The following SIPA1L2 variants were observed in gnomAD, a reference collection of about 807,000 sequenced individuals.
SIPA1L2 encodes the protein signal-induced proliferation-associated 1-like protein 2.
In SIPA1L2, 56 loss-of-function variants were observed where a neutral mutation model predicts 163.9. The ratio of observed to expected loss-of-function variants is 0.34; its 90% CI spans 0.28 to 0.43. SIPA1L2 has a LOEUF of 0.43. SIPA1L2 is among the 20% of genes least tolerant of loss of function. The pLI is 1.00. For synonymous variants in SIPA1L2, 877 were observed against 865.7 expected, an observed-to-expected ratio of 1.01 and a Z score of -0.23; for missense variants, 1,974 against 2,193.5, an observed-to-expected ratio of 0.90 and a Z score of 2.00.
chr1:232,551,632 C>T (rs1431259462), intron 2 of SIPA1L2, among the ~76,000 whole-genome samples: 3 of 152,220 alleles, frequency 2.0e-5, no homozygotes, highest in Non-Finnish European at 2.9e-5. Context: ...CTCCAGCCTC[C>T]GCAGACAGAG....
intron 16 of SIPA1L2, among the ~76,000 whole-genome samples, chr1:232,431,371 A>T (rs1662229578): frequency 6.6e-6 from 1 of 152,224 alleles, no homozygotes; most frequent in Non-Finnish European, 1.5e-5. Flanking sequence ...AAGAATTTTT[A>T]ATTTAGAAGG....
At chr1:232,519,560 G>A (rs1012617383) in intron 2 of SIPA1L2, among the ~76,000 whole-genome samples, 5 of 152,118 alleles carry the variant, frequency 3.3e-5, no homozygotes, top group East Asian at 3.9e-4. Flanking sequence ...CTTCTTCTTC[G>A]TGAGCAGCTG....
intron 1 of SIPA1L2, among the ~76,000 whole-genome samples, chr1:232,621,080 A>G (rs1050918681): frequency 6.6e-6 from 1 of 152,248 alleles, no homozygotes; most frequent in Non-Finnish European, 1.5e-5. Flanking sequence ...TAATCTTGGC[A>G]AAGACTCGGG....
chr1:232,616,141 G>T (rs1307998574), intron 1 of SIPA1L2, among the ~76,000 whole-genome samples: 1 of 152,180 alleles, frequency 6.6e-6, no homozygotes, highest in African/African-American at 2.4e-5. Flanking sequence ...TATCCAAAAT[G>T]TGTTCTGCAT....
intron 2 of SIPA1L2, among the ~76,000 whole-genome samples, chr1:232,551,882 C>G (rs971082305): frequency 6.6e-6 from 1 of 152,180 alleles, no homozygotes; most frequent in Admixed American, 6.5e-5. Context: ...TCTTGTACCC[C>G]AGGCTGGAGT....
chr1:232,410,648 A>G (rs1300847187), intron 19 of SIPA1L2, among the ~76,000 whole-genome samples: 1 of 152,040 alleles, frequency 6.6e-6, no homozygotes, highest in Non-Finnish European at 1.5e-5. Context: ...GTATTTGGGG[A>G]TATTCCTGGG....
intron 1 of SIPA1L2, among the ~76,000 whole-genome samples, chr1:232,597,689 CAAAAAAA>C (rs376123118): frequency 1.6e-3 from 104 of 65,392 alleles, no homozygotes; most frequent in Middle Eastern, 0.012. Flanking sequence ...AACTCTGTCT[CAAAAAAA>C]AAAAAAAAAA....
intron 3 of SIPA1L2, among the ~76,000 whole-genome samples, chr1:232,509,825 A>G (rs1184190699): frequency 6.6e-6 from 1 of 152,226 alleles, no homozygotes; most frequent in African/African-American, 2.4e-5. Context: ...AGAGCTAAAT[A>G]TAGGAGGAGG....
At chr1:232,505,337 T>C (rs888238172) in intron 3 of SIPA1L2, among the ~76,000 whole-genome samples, 5 of 152,238 alleles carry the variant, frequency 3.3e-5, no homozygotes, top group Admixed American at 2.0e-4. Flanking sequence ...CTACATTCTT[T>C]AAGAACTAAT....
chr1:232,550,750 C>T (rs564969615), intron 2 of SIPA1L2, among the ~76,000 whole-genome samples: 16 of 152,246 alleles, frequency 1.1e-4, no homozygotes, highest in South Asian at 2.1e-4. Flanking sequence ...ATTGAGAAAA[C>T]GTGAGAGGTG....
chr1:232,425,252 GTCTTT>G (rs1245338547), intron 18 of SIPA1L2, among the ~76,000 whole-genome samples: 1 of 147,044 alleles, frequency 6.8e-6, no homozygotes, highest in Non-Finnish European at 1.5e-5. Context: ...CCTTACATCA[GTCTTT>G]TCTTTTTTTT....
At chr1:232,626,760 A>G (rs945085) in intron 1 of SIPA1L2, among the ~76,000 whole-genome samples, 7,610 of 152,308 alleles carry the variant, frequency 0.05, 319 homozygotes, top group South Asian at 0.14. Context: ...ATCATGAAAA[A>G]TATAAACATC....
chr1:232,549,221 C>G (rs570579816), intron 2 of SIPA1L2, among the ~76,000 whole-genome samples: 11 of 152,310 alleles, frequency 7.2e-5, no homozygotes, highest in African/African-American at 2.6e-4. Flanking sequence ...TCACTTCCAG[C>G]CTGCCTGGAC....
rs186348854 is a variant in SIPA1L2 at position 232,499,581 on chromosome 1, A to G, written c.1484-5921T>C. 3.9e-5 allele frequency among the ~76,000 whole-genome samples: 6 copies of G among 152,372 alleles called. No homozygotes were observed. In the East Asian group the frequency reaches 1.2e-3, roughly 29 times the overall value. ...TTCATGAGGTTTAAGGTAAGAAGCT[A>G]TCTCCACGCGGTAAGTGCAAGGTGA... On this transcript the variant is annotated intron_variant, in intron 3 of 22. Transcript: ENST00000674635.
intron 10 of SIPA1L2, among the ~76,000 whole-genome samples, chr1:232,453,746 CT>C (rs10711839): frequency 0.32 from 41,806 of 129,966 alleles, 5,149 homozygotes; most frequent in East Asian, 0.52. Context: ...AAACACAAGG[CT>C]TTTTTTTTTT....
intron 2 of SIPA1L2, among the ~76,000 whole-genome samples, chr1:232,528,103 A>ATATATATCG (rs1558246735): frequency 1.4e-4 from 7 of 51,714 alleles, no homozygotes; most frequent in African/African-American, 4.7e-4. Flanking sequence ...TATATATATA[A>ATATATATCG]TCAACTTTCT....
intron 18 of SIPA1L2, among the ~76,000 whole-genome samples, chr1:232,421,285 C>T (rs1156272749): frequency 6.6e-6 from 1 of 152,208 alleles, no homozygotes; most frequent in Non-Finnish European, 1.5e-5. Context: ...TATCAGGGAA[C>T]CACTGCCTGC....
chr1:232,433,012 C>T (rs1016118417), intron 15 of SIPA1L2, among the ~76,000 whole-genome samples: 6 of 152,116 alleles, frequency 3.9e-5, no homozygotes, highest in Admixed American at 3.9e-4. Context: ...AAGGTGTGTG[C>T]ACCTGCAGAG....
At chr1:232,484,069 T>C (rs1339082997) in intron 5 of SIPA1L2, 103 bp from the exon 6 acceptor site, 17 of 1,099,706 alleles carry the variant, frequency 1.5e-5, no homozygotes, top group Non-Finnish European at 1.9e-5. Flanking sequence ...TAGGAAAGCA[T>C]GCCAGAACAA....
Sources: gnomAD v4.1 joint callset for allele counts (sites outside exome capture counted in the v4.1 genomes callset) on GRCh38, gnomAD v4.1.1 for gene constraint, MANE v1.5 for transcripts, NCBI Gene and HGNC (gene_info 2026-07-23, HGNC 2026-07-21) for gene names.